The following PKIB variants were observed in gnomAD, a reference collection of about 807,000 sequenced individuals.
PKIB encodes PKI-beta.
A neutral mutation model predicts 4.5 loss-of-function variants in PKIB; 2 were observed. The ratio of observed to expected loss-of-function variants is 0.44; its 90% CI spans 0.18 to 1.39. The LOEUF is 1.39. Ranked by LOEUF, PKIB falls within the 40% of genes most tolerant of loss-of-function variation. PKIB has a pLI of 0.27. For synonymous variants in PKIB, 38 were observed against 36.0 expected, an observed-to-expected ratio of 1.06 and a Z score of -0.20; for missense variants, 94 against 92.6, an observed-to-expected ratio of 1.02 and a Z score of -0.06.
intron 2 of PKIB, among the ~76,000 whole-genome samples, chr6:122,534,295 G>A (rs1052536881): frequency 2.0e-5 from 3 of 151,920 alleles, no homozygotes; most frequent in Admixed American, 2.0e-4. Context: ...AATCTCTCTG[G>A]TTGTGGGGAC....
chr6:122,692,218 C>T (rs868492396), intron 3 of PKIB, among the ~76,000 whole-genome samples: 1 of 152,234 alleles, frequency 6.6e-6, no homozygotes, highest in Non-Finnish European at 1.5e-5. Flanking sequence ...TTGCTCAAGG[C>T]CCTAGGGCTC....
At chr6:122,531,888 G>A (rs1381611784) in intron 2 of PKIB, among the ~76,000 whole-genome samples, 1 of 152,194 alleles carries the variant, frequency 6.6e-6, no homozygotes, top group Non-Finnish European at 1.5e-5. Context: ...AATGAATGTA[G>A]GCAAAAAGAC....
At chr6:122,579,152 G>A (rs1298705901) in intron 2 of PKIB, among the ~76,000 whole-genome samples, 1 of 152,072 alleles carries the variant, frequency 6.6e-6, no homozygotes, top group Non-Finnish European at 1.5e-5. Context: ...AATCTACTCA[G>A]GAGTTCAAGG....
At chr6:122,694,767 G>C (rs911728006) in intron 3 of PKIB, among the ~76,000 whole-genome samples, 2 of 152,196 alleles carry the variant, frequency 1.3e-5, no homozygotes, top group African/African-American at 2.4e-5. Flanking sequence ...GGAGCAGAGT[G>C]CCTGATCATT....
rs570002859 is a variant in PKIB, at chr6:122,516,613, C to T, written c.-248+38674C>T. Among the ~76,000 whole-genome samples the T allele has an allele frequency of 7.0e-4, 106 of 152,246 alleles. 2 individuals carry two copies. The highest frequency in any genetic ancestry group is 3.6e-3 in the Admixed American group (55 of 15,288). On this transcript the variant is annotated intron_variant, in intron 2 of 6. Transcript: ENST00000392491. ...ACTCTGCTGGAGACTTCCAAGTTGG[C>T]CTGCTTAGCTGTATCATCTCTCATT...
intron 3 of PKIB, among the ~76,000 whole-genome samples, chr6:122,700,559 A>C (rs1026179267): frequency 3.9e-5 from 6 of 152,222 alleles, no homozygotes; most frequent in African/African-American, 1.4e-4. Flanking sequence ...AGACATAGTA[A>C]GCAGAGTGGT....
intron 1 of PKIB, among the ~76,000 whole-genome samples, chr6:122,622,358 C>A (rs1016391821): frequency 2.6e-5 from 4 of 151,762 alleles, no homozygotes; most frequent in African/African-American, 7.3e-5. Context: ...AGTTCTGATG[C>A]TTTAGTTTTT....
chr6:122,725,295 T>C lies in PKIB; in HGVS notation c.*100T>C, dbSNP rs1779912764. 2.1e-6 allele frequency: 2 copies of C among 938,488 alleles called. No individual in the cohort carries two copies. Among genetic ancestry groups the C allele is most frequent in the South Asian group, 3.1e-5 (2 of 65,314 alleles). The allele number at this position is 938,488 out of a possible 1,614,324, so 58.1% of individuals were successfully genotyped here. A position where few individuals can be genotyped will look rare whatever the true frequency, so the allele number is the denominator to read the frequency against. On this transcript the variant is annotated 3_prime_UTR_variant, in exon 5 of 5. Transcript: ENST00000368452. ...TAATCTGGTGGTAACTGTGGTAACA[T>C]TGCAGCCCTAAGCAGCATGTGTATA... is the stretch of plus-strand genomic sequence containing the variant.
At chr6:122,699,732 A>G (rs1778720364) in intron 3 of PKIB, among the ~76,000 whole-genome samples, 1 of 152,218 alleles carries the variant, frequency 6.6e-6, no homozygotes, top group Admixed American at 6.5e-5. Context: ...AAGCCAATTT[A>G]TAAGTGTCAA....
At chr6:122,680,104 A>G (rs572005066) in intron 3 of PKIB, among the ~76,000 whole-genome samples, 27 of 152,320 alleles carry the variant, frequency 1.8e-4, no homozygotes, top group African/African-American at 6.0e-4. Context: ...TCTACTTTCT[A>G]TAGAAGGTTT....
chr6:122,674,380 G>C (rs1777588543), intron 2 of PKIB, among the ~76,000 whole-genome samples: 1 of 152,150 alleles, frequency 6.6e-6, no homozygotes, highest in South Asian at 2.1e-4. Context: ...AAGGCAGTGA[G>C]AGTGTGGTGA....
chr6:122,704,232 C>T (rs548615064), intron 3 of PKIB, among the ~76,000 whole-genome samples: 4 of 151,992 alleles, frequency 2.6e-5, no homozygotes, highest in South Asian at 2.1e-4. Flanking sequence ...GGATGTGGCC[C>T]GCCCATATTG....
intron 2 of PKIB, among the ~76,000 whole-genome samples, chr6:122,674,234 A>G (rs1777580880): frequency 6.6e-6 from 1 of 152,196 alleles, no homozygotes; most frequent in Non-Finnish European, 1.5e-5. Context: ...TAGAATGATC[A>G]TGACTATATT....
At chr6:122,704,008 C>T (rs188639575) in intron 3 of PKIB, among the ~76,000 whole-genome samples, 1 of 147,110 alleles carries the variant, frequency 6.8e-6, no homozygotes, top group African/African-American at 2.5e-5. Flanking sequence ...GCTGAGAAGT[C>T]CTAAGGCTTT....
At chr6:122,705,099 A>G (rs548892338) in intron 3 of PKIB, among the ~76,000 whole-genome samples, 38 of 152,292 alleles carry the variant, frequency 2.5e-4, no homozygotes, top group African/African-American at 8.7e-4. Flanking sequence ...AAAGCCATCT[A>G]TTTAATAATC....
At chr6:122,525,108 A>G (rs1239176569) in intron 2 of PKIB, among the ~76,000 whole-genome samples, 1 of 150,946 alleles carries the variant, frequency 6.6e-6, no homozygotes, top group South Asian at 2.1e-4. Flanking sequence ...CTCTCTTAGC[A>G]CTGCTTTCAC....
Position 122,658,477 on chromosome 6 carries a change from A to G in PKIB, c.-75-16601A>G, listed in dbSNP as rs571752608. On this transcript the variant is annotated intron_variant, in intron 2 of 4. Transcript: ENST00000368452. The stretch of plus-strand genomic sequence containing the variant: ...ATACTGTCCCTTGAGATGTTAATAA[A>G]TCCAATTCCTTGATATTTCACTTTC... 2.3e-4 allele frequency among the ~76,000 whole-genome samples: 35 copies of G among 152,300 alleles called. No individual in the cohort carries two copies. In the South Asian group the frequency reaches 7.0e-3, roughly 31 times the overall value.
chr6:122,712,242 C>G (rs548672688), intron 3 of PKIB, among the ~76,000 whole-genome samples: 10 of 152,088 alleles, frequency 6.6e-5, no homozygotes, highest in Non-Finnish European at 1.3e-4. Context: ...ACTCTGGGTT[C>G]CTCTTTGTAA....
intron 2 of PKIB, among the ~76,000 whole-genome samples, chr6:122,530,689 C>T (rs1055481012): frequency 6.6e-6 from 1 of 152,092 alleles, no homozygotes; most frequent in Non-Finnish European, 1.5e-5. Context: ...ATGCTACTAG[C>T]CTCTGTTTTC....
Sources: gnomAD v4.1 joint callset for allele counts (sites outside exome capture counted in the v4.1 genomes callset) on GRCh38, gnomAD v4.1.1 for gene constraint, MANE v1.5 for transcripts, NCBI Gene and HGNC (gene_info 2026-07-23, HGNC 2026-07-21) for gene names.